Variants in PDE11A observed in about 807,000 individuals in gnomAD.
PDE11A encodes dual 3',5'-cyclic-AMP and -GMP phosphodiesterase 11A.
In PDE11A, 100 loss-of-function variants were observed where a neutral mutation model predicts 100.5. The observed-to-expected ratio is 1.00, with a 90% CI of 0.85 to 1.18. PDE11A has a LOEUF of 1.18. PDE11A is among the 50% of genes most tolerant of loss of function. PDE11A has a pLI of 0.00. For missense variants in PDE11A, 1,141 were observed against 1,152.6 expected, an observed-to-expected ratio of 0.99 and a Z score of 0.15; for synonymous variants, 381 against 420.8, an observed-to-expected ratio of 0.91 and a Z score of 1.16.
chr2:178,054,130 G>T (rs534113267), intron 1 of PDE11A, among the ~76,000 whole-genome samples: 2 of 152,278 alleles, frequency 1.3e-5, no homozygotes, highest in African/African-American at 4.8e-5. Flanking sequence ...AAAACAGCAT[G>T]GTACTGGTAC....
intron 6 of PDE11A, among the ~76,000 whole-genome samples, chr2:177,829,610 A>ATT (rs71410764): frequency 0.096 from 13,628 of 141,818 alleles, 790 homozygotes; most frequent in Middle Eastern, 0.15. Context: ...CTCCTGGCTA[A>ATT]TTTTTTTTTT....
At chr2:177,967,022 A>G (rs1195273422) in intron 2 of PDE11A, among the ~76,000 whole-genome samples, 4 of 151,974 alleles carry the variant, frequency 2.6e-5, no homozygotes, top group African/African-American at 9.7e-5. Flanking sequence ...TACTGGTTCA[A>G]TTTTGGAACA....
intron 5 of PDE11A, among the ~76,000 whole-genome samples, chr2:177,863,253 T>C (rs75195993): frequency 0.019 from 2,852 of 152,012 alleles, 52 homozygotes; most frequent in South Asian, 0.046. Context: ...GGGAGAAAAG[T>C]CCTGGACAAT....
At chr2:178,102,079 T>A (rs2087565887) in intron 2 of PDE11A, among the ~76,000 whole-genome samples, 1 of 152,064 alleles carries the variant, frequency 6.6e-6, no homozygotes, top group Admixed American at 6.6e-5. Context: ...TCCTCCTGCA[T>A]CAGCCTCCTG....
At chr2:177,731,849 C>T (rs1385077328) in intron 10 of PDE11A, among the ~76,000 whole-genome samples, 1 of 152,214 alleles carries the variant, frequency 6.6e-6, no homozygotes, top group Non-Finnish European at 1.5e-5. Flanking sequence ...AAATTACTTT[C>T]TATTCATCCA....
chr2:177,660,053 TTC>T (rs372662264), intron 19 of PDE11A, among the ~76,000 whole-genome samples: 1 of 10,330 alleles, frequency 9.7e-5, no homozygotes. Flanking sequence ...CTTTCTTTCT[TTC>T]TTTCTTTCTT....
At chr2:177,892,105 T>C (rs2084537940) in intron 4 of PDE11A, among the ~76,000 whole-genome samples, 1 of 152,230 alleles carries the variant, frequency 6.6e-6, no homozygotes, top group Non-Finnish European at 1.5e-5. Context: ...AAATTGTATC[T>C]TAACATTGCC....
chr2:177,785,062 G>A (rs914910172), intron 9 of PDE11A, among the ~76,000 whole-genome samples: 2 of 152,220 alleles, frequency 1.3e-5, no homozygotes, highest in Admixed American at 6.5e-5. Flanking sequence ...GGCCAGTATA[G>A]TTTGGTCTTT....
chr2:177,939,489 G>T (rs2085318479), intron 2 of PDE11A, among the ~76,000 whole-genome samples: 1 of 120,086 alleles, frequency 8.3e-6, no homozygotes, highest in African/African-American at 3.2e-5. Context: ...AGAAGGGAGA[G>T]AGGGAGGAGG....
At chr2:177,855,856 A>T (rs1401196885) in intron 5 of PDE11A, among the ~76,000 whole-genome samples, 1 of 150,864 alleles carries the variant, frequency 6.6e-6, no homozygotes, top group Non-Finnish European at 1.5e-5. Flanking sequence ...TGCTCCCAGA[A>T]GGCTTTGAAA....
intron 1 of PDE11A, among the ~76,000 whole-genome samples, chr2:178,026,449 G>T (rs1353355554): frequency 6.6e-6 from 1 of 152,078 alleles, no homozygotes; most frequent in Non-Finnish European, 1.5e-5. Context: ...ATCACTTGAG[G>T]TCAGGAGTCA....
chr2:178,057,442 A>G (rs1482863396), intron 1 of PDE11A, among the ~76,000 whole-genome samples: 1 of 152,154 alleles, frequency 6.6e-6, no homozygotes, highest in Non-Finnish European at 1.5e-5. Flanking sequence ...CTGGCTCTTT[A>G]CATACATTAA....
chr2:177,861,391 TA>T (rs1455282490), intron 5 of PDE11A, among the ~76,000 whole-genome samples: 2 of 151,648 alleles, frequency 1.3e-5, no homozygotes, highest in Non-Finnish European at 3.0e-5. Flanking sequence ...CTTTTACACT[TA>T]AAACTACAAA....
chr2:177,988,607 A>G (rs1429343637), intron 2 of PDE11A, among the ~76,000 whole-genome samples: 1 of 152,192 alleles, frequency 6.6e-6, no homozygotes, highest in South Asian at 2.1e-4. Context: ...ATTTTTGAAC[A>G]AGGGTCCCAG....
chr2:177,745,699 T>C (rs1484933836), intron 10 of PDE11A, among the ~76,000 whole-genome samples: 2 of 152,148 alleles, frequency 1.3e-5, no homozygotes, highest in Non-Finnish European at 1.5e-5. Flanking sequence ...GCACTAGGAA[T>C]TCTAGGAACA....
At chr2:177,659,096 G>GA (rs1026736128) in intron 19 of PDE11A, among the ~76,000 whole-genome samples, 1 of 151,424 alleles carries the variant, frequency 6.6e-6, no homozygotes, top group African/African-American at 2.4e-5. Flanking sequence ...CCATCTCTAC[G>GA]AAAAATACAA....
chr2:177,701,233 G>A (rs1405777323), intron 13 of PDE11A, 22 bp from the exon 14 acceptor site: 2 of 1,181,742 alleles, frequency 1.7e-6, no homozygotes, highest in Non-Finnish European at 2.5e-6. Flanking sequence ...CAGAGGGTGA[G>A]TGAGCAGGGC....
intron 16 of PDE11A, among the ~76,000 whole-genome samples, chr2:177,679,484 C>A (rs1473907746): frequency 2.0e-5 from 3 of 152,116 alleles, no homozygotes; most frequent in African/African-American, 7.2e-5. Flanking sequence ...ACACTAATAA[C>A]AAAATACAGC....
At chr2:177,915,330 G>C (rs2084937552) in intron 2 of PDE11A, among the ~76,000 whole-genome samples, 1 of 152,110 alleles carries the variant, frequency 6.6e-6, no homozygotes, top group Non-Finnish European at 1.5e-5. Context: ...AAAATTCCCT[G>C]TGCTTCACCT....
Sources: allele counts gnomAD v4.1 joint callset (sites outside exome capture counted in the v4.1 genomes callset), GRCh38; gene constraint gnomAD v4.1.1; transcripts MANE v1.5; gene names NCBI Gene and HGNC (gene_info 2026-07-23, HGNC 2026-07-21).